ADGRB3: variants seen among roughly 807,000 people sequenced by gnomAD.
ADGRB3 encodes the protein brain-specific angiogenesis inhibitor 3.
Under a neutral mutation model 193.4 loss-of-function variants are expected in ADGRB3, and 37 were observed. The ratio of observed to expected loss-of-function variants is 0.19; its 90% confidence interval spans 0.15 to 0.25. ADGRB3 has a LOEUF of 0.25. Among genes scored for constraint, ADGRB3 ranks in the 10% least tolerant of loss-of-function variants. The pLI, the probability that ADGRB3 is intolerant of heterozygous loss-of-function variation, is 1.00. For missense variants in ADGRB3, 1,637 were observed against 1,852.9 expected (o/e 0.88, Z 2.14); for synonymous variants, 690 against 644.2 (o/e 1.07, Z -1.08).
intron 3 of ADGRB3, among the ~76,000 whole-genome samples, chr6:68,882,586 A>G (rs1765762502): frequency 6.6e-6 from 1 of 152,106 alleles, no homozygotes; most frequent in African/African-American, 2.4e-5. Flanking sequence ...CTATATAGTT[A>G]TCTCTCTAAA....
At chr6:69,127,796 A>G (rs1203682035) in intron 17 of ADGRB3, among the ~76,000 whole-genome samples, 1 of 152,204 alleles carries the variant, frequency 6.6e-6, no homozygotes, top group African/African-American at 2.4e-5. Context: ...ATAGCATTAC[A>G]CAACTGTAAA....
intron 3 of ADGRB3, among the ~76,000 whole-genome samples, chr6:68,827,320 G>T (rs1243321500): frequency 6.6e-6 from 1 of 152,100 alleles, no homozygotes; most frequent in African/African-American, 2.4e-5. Flanking sequence ...AAAAGGGCAG[G>T]AAAGGCTCAA....
chr6:69,014,185 A>G (rs774351128), intron 12 of ADGRB3, 79 bp downstream of exon 12: 6 of 1,008,286 alleles, frequency 6.0e-6, no homozygotes, highest in South Asian at 3.3e-5. Flanking sequence ...ATGGCTTGCT[A>G]TTTCAGGAAA....
chr6:68,933,033 G>T (rs1767385875), intron 4 of ADGRB3, among the ~76,000 whole-genome samples: 1 of 150,192 alleles, frequency 6.7e-6, no homozygotes, highest in South Asian at 2.1e-4. Context: ...GGATATAAAT[G>T]ATGGTGCTCT....
chr6:68,992,918 T>G (rs1484164219), intron 10 of ADGRB3, among the ~76,000 whole-genome samples: 1 of 152,142 alleles, frequency 6.6e-6, no homozygotes, highest in African/African-American at 2.4e-5. Flanking sequence ...CATTTTTTTT[T>G]AGTTAATTTT....
intron 17 of ADGRB3, among the ~76,000 whole-genome samples, chr6:69,227,260 T>A (rs1206438560): frequency 6.6e-6 from 1 of 152,116 alleles, no homozygotes; most frequent in Non-Finnish European, 1.5e-5. Context: ...GGCGAATATA[T>A]GTGTGTTAGG....
intron 3 of ADGRB3, among the ~76,000 whole-genome samples, chr6:68,844,261 T>A: frequency 6.6e-6 from 1 of 151,556 alleles, no homozygotes; most frequent in East Asian, 1.9e-4. Flanking sequence ...AAGAAAAATA[T>A]TTGCAAACTA....
intron 12 of ADGRB3, among the ~76,000 whole-genome samples, chr6:69,017,221 T>C (rs1001774650): frequency 3.3e-5 from 5 of 151,928 alleles, no homozygotes; most frequent in Non-Finnish European, 5.9e-5. Flanking sequence ...CGCAAGCCCC[T>C]TTGAAATACA....
intron 17 of ADGRB3, among the ~76,000 whole-genome samples, chr6:69,207,540 G>T (rs1490428182): frequency 6.6e-6 from 1 of 152,122 alleles, no homozygotes; most frequent in Non-Finnish European, 1.5e-5. Context: ...GAGGTAGAAG[G>T]TGCCTGAATT....
intron 29 of ADGRB3, among the ~76,000 whole-genome samples, chr6:69,369,050 T>C (rs1769650267): frequency 6.6e-6 from 1 of 152,148 alleles, no homozygotes; most frequent in African/African-American, 2.4e-5. Flanking sequence ...TCATTAAATA[T>C]TTCAATATCA....
At chr6:69,085,365 A>T (rs1184082651) in intron 17 of ADGRB3, among the ~76,000 whole-genome samples, 1 of 152,140 alleles carries the variant, frequency 6.6e-6, no homozygotes, top group Non-Finnish European at 1.5e-5. Flanking sequence ...AGAATTTTAA[A>T]GTAAAATTAT....
At chr6:68,891,903 G>A (rs12154054) in intron 3 of ADGRB3, among the ~76,000 whole-genome samples, 20,389 of 152,162 alleles carry the variant, frequency 0.13, 1,821 homozygotes, top group Non-Finnish European at 0.2. Context: ...TGGAGGAGCC[G>A]AAGAGTGGAG....
At chr6:69,281,284 C>T (rs998637405) in intron 20 of ADGRB3, among the ~76,000 whole-genome samples, 3 of 152,166 alleles carry the variant, frequency 2.0e-5, no homozygotes, top group Non-Finnish European at 4.4e-5. Context: ...CTCTTGCCCA[C>T]ATTTATTAGA....
intron 3 of ADGRB3, among the ~76,000 whole-genome samples, chr6:68,730,900 C>T (rs972215270): frequency 1.3e-5 from 2 of 151,652 alleles, no homozygotes; most frequent in Admixed American, 6.6e-5. Flanking sequence ...GCGCTGCTCT[C>T]TAGCACTGAT....
At chr6:68,974,256 A>G (rs1458967221) in intron 8 of ADGRB3, among the ~76,000 whole-genome samples, 1 of 152,210 alleles carries the variant, frequency 6.6e-6, no homozygotes, top group African/African-American at 2.4e-5. Flanking sequence ...TAAGCAGTTC[A>G]AAAAGAAATT....
intron 3 of ADGRB3, among the ~76,000 whole-genome samples, chr6:68,689,072 G>A (rs983601334): frequency 3.9e-5 from 6 of 152,144 alleles, no homozygotes; most frequent in South Asian, 4.2e-4. Context: ...GTAAATAGCC[G>A]TTTAAGGATA....
At chr6:68,979,596 AAT>A (rs1381617603) in intron 10 of ADGRB3, among the ~76,000 whole-genome samples, 1 of 151,572 alleles carries the variant, frequency 6.6e-6, no homozygotes, top group African/African-American at 2.4e-5. Flanking sequence ...TTAAATTTTT[AAT>A]ATGTTAATGT....
At chr6:68,918,215 T>C (rs905044479) in intron 3 of ADGRB3, among the ~76,000 whole-genome samples, 2 of 152,166 alleles carry the variant, frequency 1.3e-5, no homozygotes, top group Non-Finnish European at 1.5e-5. Context: ...ATGTCTCCTG[T>C]AAAGGTTGGG....
At chr6:69,217,152 G>A (rs996400037) in intron 17 of ADGRB3, among the ~76,000 whole-genome samples, 2 of 152,122 alleles carry the variant, frequency 1.3e-5, no homozygotes, top group African/African-American at 2.4e-5. Flanking sequence ...TGAGTGGGTG[G>A]CGCAGATGTC....
Sources: allele counts gnomAD v4.1 joint callset (sites outside exome capture counted in the v4.1 genomes callset), GRCh38; gene constraint gnomAD v4.1.1; transcripts MANE v1.5; gene names NCBI Gene and HGNC (gene_info 2026-07-23, HGNC 2026-07-21).